COL12A1: variants seen among roughly 807,000 people sequenced by gnomAD.
The protein encoded by COL12A1 is collagen alpha-1(XII) chain.
COL12A1 carries 114 observed loss-of-function variants against 349.7 expected under a neutral mutation model. That is an observed-to-expected ratio of 0.33 (90% CI 0.28 to 0.38). The LOEUF (loss-of-function observed/expected upper bound fraction) is 0.38, where lower values mean the gene tolerates loss of function less well. Ranked by LOEUF, COL12A1 falls within the 10% of genes least tolerant of loss-of-function variation. COL12A1 has a pLI of 1.00. For missense variants in COL12A1, 3,284 were observed against 3,756.9 expected, an observed-to-expected ratio of 0.87 and a Z score of 3.29; for synonymous variants, 1,369 against 1,329.0, an observed-to-expected ratio of 1.03 and a Z score of -0.66.
At chr6:75,165,046 C>G (rs1768218745) in intron 14 of COL12A1, among the ~76,000 whole-genome samples, 1 of 152,094 alleles carries the variant, frequency 6.6e-6, no homozygotes, top group African/African-American at 2.4e-5. Context: ...AGTGGCTAGG[C>G]ACTATGCTGG....
intron 64 of COL12A1, among the ~76,000 whole-genome samples, chr6:75,088,481 G>GAGGA (rs928490168): frequency 1.7e-4 from 26 of 151,304 alleles, no homozygotes; most frequent in African/African-American, 5.6e-4. Flanking sequence ...AATAGGAAGG[G>GAGGA]AGGAAGGAAG....
chr6:75,155,195 C>A (rs1321113420), intron 16 of COL12A1, among the ~76,000 whole-genome samples: 3 of 152,094 alleles, frequency 2.0e-5, no homozygotes, highest in Non-Finnish European at 2.9e-5. Context: ...CCCTTTCCTG[C>A]CAGCTGGCAC....
At chr6:75,146,521 A>G (rs1409173766) in intron 23 of COL12A1, among the ~76,000 whole-genome samples, 1 of 152,220 alleles carries the variant, frequency 6.6e-6, no homozygotes, top group Non-Finnish European at 1.5e-5. Context: ...TCTCTACAAT[A>G]GATACCAACT....
chr6:75,167,323 T>G (rs1193973504), intron 13 of COL12A1, among the ~76,000 whole-genome samples: 6 of 152,166 alleles, frequency 3.9e-5, no homozygotes, highest in Non-Finnish European at 7.4e-5. Flanking sequence ...TTGCTTGATA[T>G]ATACAATTTT....
intron 30 of COL12A1, among the ~76,000 whole-genome samples, chr6:75,137,844 G>A (rs896071056): frequency 2.6e-5 from 4 of 151,964 alleles, no homozygotes; most frequent in African/African-American, 7.3e-5. Context: ...TGGTAATTAG[G>A]GTTAGATTAG....
chr6:75,113,236 C>T lies in COL12A1; in HGVS notation c.7918G>A (p.Val2640Ile), dbSNP rs775684324. ...AAACTTCCATAAAATAATGTCTTTA[C>T]TTCTTCTGTGTCAAATGTAACAGTT... Reference protein sequence around the residue: ...VQTVTFDTEEVKTLFYGSFHK... With the variant: ...VQTVTFDTEEIKTLFYGSFHK... The change falls in exon 51 of 66, where the codon GTA becomes ATA. Residue 2640 changes from valine (V) to isoleucine (I), a missense_variant. By Grantham distance (29) the Val-to-Ile change is conservative (BLOSUM62 3). Around this residue, in one of 2 missense-constraint regions of COL12A1, gnomAD observed 683 missense variants for 932.1 expected, o/e 0.73. Transcript: ENST00000322507. 61 of 1,562,214 alleles carry T rather than the reference C, an allele frequency of 3.9e-5. No homozygotes were observed. Among genetic ancestry groups the T allele is most frequent in the Non-Finnish European group, 4.9e-5 (57 of 1,156,326 alleles).
At chr6:75,123,303 A>G in intron 43 of COL12A1, 27 bp downstream of exon 43, 1 of 1,588,924 alleles carries the variant, frequency 6.3e-7, no homozygotes, top group South Asian at 1.1e-5. Context: ...TATCAGCTGA[A>G]CGTATTGCCT....
At chr6:75,125,406 TG>T in intron 39 of COL12A1, 133 bp from the exon 40 acceptor site, 1 of 707,638 alleles carries the variant, frequency 1.4e-6, no homozygotes, top group Admixed American at 3.5e-5. Context: ...ACTTACTCAC[TG>T]GGGCACATGC....
intron 35 of COL12A1, among the ~76,000 whole-genome samples, chr6:75,131,303 A>T (rs1766290654): frequency 6.6e-6 from 1 of 152,200 alleles, no homozygotes; most frequent in African/African-American, 2.4e-5. Flanking sequence ...TTAAATACAC[A>T]AGAATAGGAA....
chr6:75,129,712 A>G (rs1334662889), intron 37 of COL12A1, among the ~76,000 whole-genome samples: 2 of 152,234 alleles, frequency 1.3e-5, no homozygotes, highest in Non-Finnish European at 2.9e-5. Flanking sequence ...AGATTTGAGG[A>G]AAGGGTAAGA....
At chr6:75,097,395 T>C in intron 58 of COL12A1, 89 bp from the exon 59 acceptor site, 3 of 1,002,832 alleles carry the variant, frequency 3.0e-6, no homozygotes, top group Non-Finnish European at 3.0e-6. Context: ...AGCTGAAGGC[T>C]GAAGAGAAGG....
chr6:75,165,120 C>A (rs907632902), intron 14 of COL12A1, among the ~76,000 whole-genome samples: 5 of 152,018 alleles, frequency 3.3e-5, no homozygotes, highest in African/African-American at 1.2e-4. Flanking sequence ...TTATTATCTG[C>A]ATTCTACAGA....
rs1269751124 is a variant in COL12A1, at chr6:75,113,689, G to C, written c.7753C>G (p.Leu2585Val). 6.2e-7 allele frequency: 1 copy of C among 1,607,220 alleles called. No homozygotes were observed. ...GGGTCACTGGGAGTTTCTGGGAGAA[G>C]TCTGAATAATAATATAATCGTGTAT... is the stretch of plus-strand genomic sequence containing the variant. Reference protein sequence around the residue: ...PSYTIILLFRLLPETPSDPFA... With the variant: ...PSYTIILLFRVLPETPSDPFA... The change falls in exon 50 of 66, where the codon CTT becomes GTT. Residue 2585 changes from leucine to valine, a missense_variant. Transcript: ENST00000322507.
At chr6:75,131,217 C>T (rs1402116501) in intron 35 of COL12A1, among the ~76,000 whole-genome samples, 2 of 152,044 alleles carry the variant, frequency 1.3e-5, no homozygotes, top group Non-Finnish European at 2.9e-5. Context: ...CAGTTATCTC[C>T]GTTTATGTTT....
rs562575333 is a variant in COL12A1 at position 75,124,458 on chromosome 6, C to G, written c.6608-87G>C. ...TCATAACACAATTTTCAAACTTTCA[C>G]TGTGGCTAAAAAAAAGTTCAAAATT... On this transcript the variant is annotated intron_variant, in intron 40 of 65. Transcript: ENST00000322507. The G allele has an allele frequency of 1.7e-5, 17 of 974,840 alleles. No individual in the cohort carries two copies. In the East Asian group the frequency reaches 4.6e-4, roughly 27 times the overall value. The allele number at this position is 974,840 out of a possible 1,614,324, so 60.4% of individuals were successfully genotyped here.
At chr6:75,094,850 T>C (rs568178121) in intron 60 of COL12A1, among the ~76,000 whole-genome samples, 2 of 152,302 alleles carry the variant, frequency 1.3e-5, no homozygotes, top group African/African-American at 4.8e-5. Context: ...AGCGCAGAAA[T>C]ATGTGTCTTG....
At chr6:75,091,654 A>G in intron 60 of COL12A1, 129 bp from the exon 61 acceptor site, 1 of 828,046 alleles carries the variant, frequency 1.2e-6, no homozygotes, top group Non-Finnish European at 1.9e-6. Flanking sequence ...CATCACATTT[A>G]TATCCATGTT....
At chr6:75,144,115 A>G (rs1291314598) in intron 25 of COL12A1, among the ~76,000 whole-genome samples, 1 of 151,888 alleles carries the variant, frequency 6.6e-6, no homozygotes, top group Non-Finnish European at 1.5e-5. Flanking sequence ...TCTCTTCAAC[A>G]TTTTTATCTT....
chr6:75,107,517 C>T (rs1186811817), intron 52 of COL12A1, among the ~76,000 whole-genome samples: 1 of 152,070 alleles, frequency 6.6e-6, no homozygotes, highest in Admixed American at 6.6e-5. Context: ...ATGATCCACC[C>T]GCCTCGGCCT....
Sources: allele counts gnomAD v4.1 joint callset (sites outside exome capture counted in the v4.1 genomes callset), GRCh38; gene constraint gnomAD v4.1.1; regional missense constraint gnomAD v4.1.1; transcripts MANE v1.5; gene names NCBI Gene and HGNC (gene_info 2026-07-23, HGNC 2026-07-21).